ZDHHC4: variants seen among roughly 807,000 people sequenced by gnomAD.
ZDHHC4 encodes the protein zDHHC palmitoyltransferase 4, also known as palmitoyltransferase ZDHHC4.
In ZDHHC4, 42 loss-of-function variants were observed where a neutral mutation model predicts 36.7. The observed-to-expected ratio is 1.14, with a 90% CI of 0.89 to 1.48. ZDHHC4 has a LOEUF of 1.48. Ranked by LOEUF, ZDHHC4 falls within the 40% of genes most tolerant of loss-of-function variation. The pLI is 0.00. For synonymous variants in ZDHHC4, 189 were observed against 166.6 expected, an observed-to-expected ratio of 1.13 and a Z score of -1.03; for missense variants, 457 against 421.5, an observed-to-expected ratio of 1.08 and a Z score of -0.74.
intron 1 of ZDHHC4, 53 bp downstream of exon 1, chr7:6,577,551 A>C (rs901352236): frequency 1.3e-5 from 2 of 152,262 alleles, no homozygotes; most frequent in Admixed American, 6.5e-5. Context: ...CAGGACCGTC[A>C]GTCTCCTCCT....
At chr7:6,585,421 C>T (rs1261225809) in intron 7 of ZDHHC4, among the ~76,000 whole-genome samples, 161 bp downstream of exon 7, 1 of 151,966 alleles carries the variant, frequency 6.6e-6, no homozygotes, top group Non-Finnish European at 1.5e-5. Context: ...GCTAGGAGTT[C>T]AGGACCAGCC....
At chr7:6,585,300 C>A (rs546858296) in intron 7 of ZDHHC4, 40 bp downstream of exon 7, 2 of 1,589,420 alleles carry the variant, frequency 1.3e-6, no homozygotes, top group Non-Finnish European at 1.7e-6. Flanking sequence ...GTTTCAGAAT[C>A]GCAAAAAAGA....
chr7:6,586,462 C>T (rs1398189614), intron 7 of ZDHHC4, among the ~76,000 whole-genome samples: 1 of 152,118 alleles, frequency 6.6e-6, no homozygotes, highest in Admixed American at 6.6e-5. Context: ...ATTCATGTAG[C>T]ACGAATCTAC....
At chr7:6,584,921 C>T (rs1199966424) in intron 6 of ZDHHC4, 95 bp from the exon 7 acceptor site, 2 of 1,520,218 alleles carry the variant, frequency 1.3e-6, no homozygotes, top group Non-Finnish European at 1.8e-6. Context: ...TCTGATGACA[C>T]ATCCAGTGGA....
At chr7:6,582,976 G>A (rs538710964) in intron 5 of ZDHHC4, among the ~76,000 whole-genome samples, 41 of 152,144 alleles carry the variant, frequency 2.7e-4, no homozygotes, top group Middle Eastern at 3.4e-3. Context: ...TTCCAGACCA[G>A]CCTGGCCAAA....
At position 6,584,817 on chromosome 7, in the gene ZDHHC4, G is replaced by T. The variant is rs1489808067; in HGVS notation, c.497-199G>T. 5 of 664,900 alleles carry T rather than the reference G, an allele frequency of 7.5e-6. No homozygotes were observed. In the South Asian group the frequency reaches 9.7e-5, roughly 13 times the overall value. The allele number at this position is 664,900 out of a possible 1,614,324, so 41.2% of individuals were successfully genotyped here. ...CTCAGATTTGTCTTGTAGTCAGATT[G>T]CAAGTGCTCAATACCCACATTTGGC... On this transcript the variant is annotated intron_variant, in intron 6 of 7. Transcript: ENST00000335965.
At chr7:6,586,159 C>G (rs1583392013) in intron 7 of ZDHHC4, among the ~76,000 whole-genome samples, 1 of 150,188 alleles carries the variant, frequency 6.7e-6, no homozygotes, top group Admixed American at 6.6e-5. Context: ...GAAACTCCAT[C>G]TCAAAAAAAA....
At chr7:6,580,366 C>CCT (rs1388179727) in intron 2 of ZDHHC4, among the ~76,000 whole-genome samples, 189 bp from the exon 3 acceptor site, 2 of 152,040 alleles carry the variant, frequency 1.3e-5, no homozygotes, top group African/African-American at 4.8e-5. Flanking sequence ...AGGCAGCAGG[C>CCT]CTCTGTTATG....
intron 7 of ZDHHC4, among the ~76,000 whole-genome samples, chr7:6,585,989 A>G (rs1307251101): frequency 6.6e-6 from 1 of 152,092 alleles, no homozygotes; most frequent in African/African-American, 2.4e-5. Context: ...CGTCTCTACT[A>G]AAAATACAAA....
In ZDHHC4 at chr7:6,583,226, T is replaced by C. The variant is rs372354392; in HGVS notation, c.371-80T>C. On this transcript the variant is annotated intron_variant, in intron 5 of 7. Coordinates refer to ENST00000335965, the MANE Select transcript of ZDHHC4 (RefSeq NM_001134389.2). ...CGATATTAAAGATAGCAGTTTCAGT[T>C]GTGTTTTATCAGGACGGGTTTTGTG... 1.2e-3 allele frequency: 1,711 copies of C among 1,468,202 alleles called. 35 individuals are homozygous for C. In the South Asian group the frequency reaches 0.02, roughly 17 times the overall value. The allele number at this position is 1,468,202 out of a possible 1,614,324, so 90.9% of individuals were successfully genotyped here.
In ZDHHC4 at chr7:6,582,109, A is replaced by G. The variant is rs192596916; in HGVS notation, c.228A>G (p.Gln76=). 1 of 1,614,054 alleles carries G rather than the reference A, an allele frequency of 6.2e-7. No individual in the cohort carries two copies. Among genetic ancestry groups the G allele is most frequent in the African/African-American group, 1.3e-5 (1 of 75,044 alleles). ...HTFIVLHLVL[Q]GMVYTEYTWE... is the part of the protein sequence containing the mutation. ...TCATTGTCCTGCACCTGGTCTTGCA[A>G]GGGATGGTTTATACTGAGTACACCT... The change falls in exon 5 of 8, where the codon CAA becomes CAG. Residue 76 remains glutamine (Q), a synonymous_variant. Transcript: ENST00000335965.
rs989044059 is a variant in ZDHHC4 at position 6,581,795 on chromosome 7, G to A, written c.191+115G>A. 6 of 909,756 alleles carry A rather than the reference G, an allele frequency of 6.6e-6. No individual in the cohort carries two copies. In the African/African-American group the frequency reaches 6.8e-5, roughly 10 times the overall value. The allele number at this position is 909,756 out of a possible 1,614,324, so 56.4% of individuals were successfully genotyped here. A position where few individuals can be genotyped will look rare whatever the true frequency, so the allele number is the denominator to read the frequency against. On this transcript the variant is annotated intron_variant, in intron 4 of 7. Coordinates refer to ENST00000335965, the MANE Select transcript of ZDHHC4 (RefSeq NM_001134389.2). ...GTTTCCAGCATGGTGAGGGAAAGAAGGCCGGAAAGAATCACGAGTCCTGAG... is the reference window on the plus strand; with the variant it reads ...GTTTCCAGCATGGTGAGGGAAAGAAAGCCGGAAAGAATCACGAGTCCTGAG...
At chr7:6,585,713 C>T (rs1781194991) in intron 7 of ZDHHC4, among the ~76,000 whole-genome samples, 1 of 133,574 alleles carries the variant, frequency 7.5e-6, no homozygotes, top group Admixed American at 7.6e-5. Context: ...GGCTGAGGCA[C>T]AAAAATTGCT....
Position 6,582,053 on chromosome 7 carries a change from C to G in ZDHHC4, c.192-20C>G. On this transcript the variant is annotated intron_variant, in intron 4 of 7. Coordinates refer to ENST00000335965, the MANE Select transcript of ZDHHC4 (RefSeq NM_001134389.2). ...TCAAGAAGAAACCCCCATGAACAAG[C>G]CATGCCTGTTTTCTTTCAGAAACCA... 1.2e-6 allele frequency: 2 copies of G among 1,606,620 alleles called. No homozygotes were observed. Among genetic ancestry groups the G allele is most frequent in the Middle Eastern group, 3.5e-4 (2 of 5,634 alleles).
chr7:6,585,308 A>C (rs142935758), intron 7 of ZDHHC4, 48 bp downstream of exon 7: 1 of 1,593,510 alleles, frequency 6.3e-7, no homozygotes, highest in African/African-American at 1.3e-5. Context: ...ATCGCAAAAA[A>C]GACATTTATT....
Position 6,579,879 on chromosome 7 carries a change from T to C in ZDHHC4, c.-7-676T>C, listed in dbSNP as rs147800743. 1.6e-3 allele frequency among the ~76,000 whole-genome samples: 238 copies of C among 152,250 alleles called. 1 individual carries two copies. Among genetic ancestry groups the C allele is most frequent in the African/African-American group, 5.5e-3 (228 of 41,564 alleles). On this transcript the variant is annotated intron_variant, in intron 2 of 7. Transcript: ENST00000335965. ...GGGCAGGTGCAGTGGCTCACGCCTGTACTCCCAGCACTTTGGGAGGCCGAG... is the reference window on the plus strand; with the variant it reads ...GGGCAGGTGCAGTGGCTCACGCCTGCACTCCCAGCACTTTGGGAGGCCGAG...
Position 6,585,039 on chromosome 7 carries a change from C to T in ZDHHC4, c.520C>T (p.Arg174Cys), listed in dbSNP as rs186305651. 3.2e-5 allele frequency: 51 copies of T among 1,614,132 alleles called. No homozygotes were observed. The African/African-American group carries it at 4.3e-4, about 13-fold the overall frequency. Residue 174 changes from arginine to cysteine, a missense_variant, in exon 7 of 8, where the codon CGT becomes TGT. Coordinates refer to ENST00000335965, the MANE Select transcript of ZDHHC4 (RefSeq NM_001134389.2). ...AGGTGTGTGTAACTGGTGTGTGCACCGTTTCGACCATCACTGTGTTTGGGT... is the reference window on the plus strand; with the variant it reads ...AGGTGTGTGTAACTGGTGTGTGCACTGTTTCGACCATCACTGTGTTTGGGT... ...HCSVCNWCVH[R>C]FDHHCVWVNN...
chr7:6,582,028 T>G (rs1780887115), intron 4 of ZDHHC4, 45 bp from the exon 5 acceptor site: 2 of 1,577,068 alleles, frequency 1.3e-6, no homozygotes, highest in East Asian at 4.5e-5. Flanking sequence ...TACAATTTCT[T>G]CAAGAAGAAA....
chr7:6,588,799 G>A lies in ZDHHC4; in HGVS notation c.924G>A (p.Pro308=), dbSNP rs761581633. 1.1e-5 allele frequency: 18 copies of A among 1,614,010 alleles called. No homozygotes were observed. Among genetic ancestry groups the A allele is most frequent in the East Asian group, 4.5e-5 (2 of 44,876 alleles). Residue 308 remains proline (P), a synonymous_variant, in exon 8 of 8, where the codon CCG becomes CCA. Coordinates refer to ENST00000335965, the MANE Select transcript of ZDHHC4 (RefSeq NM_001134389.2). ...GTTGTCCCCTTGTGGCCTGGCCTCC[G>A]TCAGCAGAGCCCCAAGTCCACCGGA... The part of the protein sequence containing the change: ...CQRCPLVAWP[P]SAEPQVHRNI...
Sources: allele counts gnomAD v4.1 joint callset (sites outside exome capture counted in the v4.1 genomes callset), GRCh38; gene constraint gnomAD v4.1.1; transcripts MANE v1.5; gene names NCBI Gene and HGNC (gene_info 2026-07-23, HGNC 2026-07-21).